The following ZSWIM9 variants were observed in gnomAD, a reference collection of about 807,000 sequenced individuals.
ZSWIM9 encodes the protein zinc finger SWIM-type containing 9.
ZSWIM9 carries 11 observed loss-of-function variants against 25.0 expected under a neutral mutation model. That is an observed-to-expected ratio of 0.44 (90% CI 0.28 to 0.73). The LOEUF (loss-of-function observed/expected upper bound fraction) is 0.73, where lower values mean the gene tolerates loss of function less well. Ranked by LOEUF, ZSWIM9 falls within the 30% of genes least tolerant of loss-of-function variation. ZSWIM9 has a pLI of 0.16. For missense variants in ZSWIM9, 1,070 were observed against 1,296.5 expected (o/e 0.83, Z 2.68); for synonymous variants, 562 against 582.1 (o/e 0.97, Z 0.50).
At chr19:48,191,881 A>G (rs887913253) in intron 3 of ZSWIM9, 1 of 154,668 alleles carries the variant, frequency 6.5e-6, no homozygotes, top group Non-Finnish European at 1.5e-5. Context: ...GAAGCCCTGG[A>G]CCCAAGCTGT....
At chr19:48,187,474 AT>A (rs1568579470) in intron 3 of ZSWIM9, among the ~76,000 whole-genome samples, 1 of 72,740 alleles carries the variant, frequency 1.4e-5, no homozygotes, top group Non-Finnish European at 2.4e-5. Flanking sequence ...TATATATTAT[AT>A]ATATTATATA....
intron 2 of ZSWIM9, among the ~76,000 whole-genome samples, chr19:48,178,679 C>T (rs982957475): frequency 2.6e-5 from 4 of 151,988 alleles, no homozygotes; most frequent in African/African-American, 9.7e-5. Context: ...TGGGTTCAAG[C>T]GATCTCCTGC....
intron 2 of ZSWIM9, among the ~76,000 whole-genome samples, chr19:48,179,981 C>G (rs192293031): frequency 2.2e-4 from 34 of 152,236 alleles, no homozygotes; most frequent in African/African-American, 7.9e-4. Flanking sequence ...CTAGAGACCA[C>G]CCATGCTCTT....
Position 48,173,786 on chromosome 19 carries a change from G to A in ZSWIM9, c.275+1709G>A, listed in dbSNP as rs1188520238. On this transcript the variant is annotated intron_variant, in intron 2 of 3. Transcript: ENST00000614654. ...CCAGTAGCTGGGATTACAGGCATGC[G>A]CCACCATGCCCAGCTAATTTTTGTA... Among the ~76,000 whole-genome samples, 4 of 151,826 alleles carry A rather than the reference G, an allele frequency of 2.6e-5. No homozygotes were observed. The South Asian group carries it at 6.3e-4, about 24-fold the overall frequency.
At chr19:48,174,329 G>A (rs1005973567) in intron 2 of ZSWIM9, among the ~76,000 whole-genome samples, 1 of 151,958 alleles carries the variant, frequency 6.6e-6, no homozygotes, top group African/African-American at 2.4e-5. Flanking sequence ...CACGATACCC[G>A]CCTCATGGGG....
At chr19:48,185,346 G>T (rs2036998198) in intron 3 of ZSWIM9, among the ~76,000 whole-genome samples, 1 of 152,056 alleles carries the variant, frequency 6.6e-6, no homozygotes, top group African/African-American at 2.4e-5. Flanking sequence ...TGTTGGTCAG[G>T]CTGGTCTTGA....
In ZSWIM9 at chr19:48,182,817, G is replaced by A. The variant is rs551393337; in HGVS notation, c.588+50G>A. 1.0e-3 allele frequency: 1,372 copies of A among 1,356,084 alleles called. 12 individuals are homozygous for A. The African/African-American group carries it at 0.018, about 17-fold the overall frequency. 84.0% of individuals were successfully genotyped at this position (1,356,084 alleles called of 1,614,324 possible). ...GGGGGAGGGGGCGGGGGAAAGCCGC[G>A]CTGAAGACTCGTGGGTCATTCATGC... is the stretch of plus-strand genomic sequence containing the variant. On this transcript the variant is annotated intron_variant, in intron 3 of 3. Transcript: ENST00000614654. The surrounding 1 kb of genome is among the most constrained non-coding windows in gnomAD (Gnocchi z 4.6).
At chr19:48,188,001 A>C (rs1182034057) in intron 3 of ZSWIM9, among the ~76,000 whole-genome samples, 3 of 145,746 alleles carry the variant, frequency 2.1e-5, no homozygotes, top group Admixed American at 6.8e-5. Context: ...GACAGACAGC[A>C]AGCTTTAAAT....
chr19:48,195,017 G>A lies in ZSWIM9; in HGVS notation c.953G>A (p.Arg318His). Residue 318 changes from arginine (R) to histidine (H), a missense_variant, in exon 4 of 4, where the codon CGC (arginine) becomes CAC (histidine). By Grantham distance (29) the Arg-to-His change is conservative. Coordinates refer to ENST00000614654, the MANE Select transcript of ZSWIM9 (RefSeq NM_199341.4). This position sits in a 1 kb window ranked among gnomAD's most constrained non-coding sequence, Gnocchi z 5.8. ...CCCTGCGCGCGCGTGCAGATCTGCC[G>A]CGCGCAGGGCCTGGAGACGCTCTTC... is the stretch of plus-strand genomic sequence containing the variant. ...LLPCARVQICRAQGLETLFSK... is the reference protein window; with the variant it reads ...LLPCARVQICHAQGLETLFSK... 4 of 1,366,248 alleles carry A rather than the reference G, an allele frequency of 2.9e-6. No individual in the cohort carries two copies. Among genetic ancestry groups the A allele is most frequent in the Non-Finnish European group, 3.7e-6 (4 of 1,067,564 alleles). 84.6% of individuals were successfully genotyped at this position (1,366,248 alleles called of 1,614,324 possible).
At chr19:48,174,104 C>A (rs1323716431) in intron 2 of ZSWIM9, among the ~76,000 whole-genome samples, 6 of 151,988 alleles carry the variant, frequency 3.9e-5, no homozygotes, top group African/African-American at 1.4e-4. Context: ...ATCCCTAGCA[C>A]TGTCTTTTGC....
At chr19:48,181,269 G>A (rs1452817420) in intron 2 of ZSWIM9, 2 of 152,074 alleles carry the variant, frequency 1.3e-5, no homozygotes, top group African/African-American at 4.8e-5. Context: ...CCCTCACAGG[G>A]TTAACCACTT....
At chr19:48,187,472 A>ATATAT (rs1227328824) in intron 3 of ZSWIM9, among the ~76,000 whole-genome samples, 11 of 83,410 alleles carry the variant, frequency 1.3e-4, no homozygotes, top group African/African-American at 6.1e-4. Context: ...TATATATATT[A>ATATAT]TATATATTAT....
rs1173330681 is a variant in ZSWIM9, at chr19:48,192,468, A to ATATATATAT, written c.589-2185_589-2184insTATATATAT. Among the ~76,000 whole-genome samples, 13 of 23,850 alleles carry ATATATATAT rather than the reference A, an allele frequency of 5.5e-4. 1 individual carries two copies. The highest frequency in any genetic ancestry group is 1.6e-3 in the East Asian group (1 of 626). The allele number at this position is 23,850 out of a possible 152,430, so 15.6% of individuals were successfully genotyped here. ...CTGTCTCAAAAAAAAAAAAAAAAAAAAAAAAAAAAAAAATATATATATATA... is the reference window on the plus strand; with the variant it reads ...CTGTCTCAAAAAAAAAAAAAAAAAAATATATATATAAAAAAAAAAAAATATATATATATA... On this transcript the variant is annotated intron_variant, in intron 3 of 3. Transcript: ENST00000614654.
In ZSWIM9 at chr19:48,174,253, G is replaced by C. The variant is rs143907945; in HGVS notation, c.275+2176G>C. Among the ~76,000 whole-genome samples, 84 of 152,110 alleles carry C rather than the reference G, an allele frequency of 5.5e-4. 1 individual carries two copies. Among genetic ancestry groups the C allele is most frequent in the South Asian group, 1.9e-3 (9 of 4,824 alleles). On this transcript the variant is annotated intron_variant, in intron 2 of 3. Coordinates refer to ENST00000614654, the MANE Select transcript of ZSWIM9 (RefSeq NM_199341.4). Reference sequence around the variant, plus strand: ...ACATGCTCCACGACTTCCTGGATGGGTGACTTTGGGCAATGGACTTCACAT... The same window carrying C: ...ACATGCTCCACGACTTCCTGGATGGCTGACTTTGGGCAATGGACTTCACAT...
At chr19:48,183,062 G>T in intron 3 of ZSWIM9, 1 of 417,686 alleles carries the variant, frequency 2.4e-6, no homozygotes, top group Admixed American at 4.1e-5. Flanking sequence ...TGGCTACTGA[G>T]CACTTGAAAT....
intron 3 of ZSWIM9, among the ~76,000 whole-genome samples, chr19:48,187,510 ATTATAT>A (rs1316146178): frequency 1.2e-5 from 1 of 81,038 alleles, no homozygotes; most frequent in South Asian, 2.7e-4. Flanking sequence ...ATTATATTAT[ATTATAT>A]ATATTATATA....
At position 48,187,415 on chromosome 19, in the gene ZSWIM9, AAT is replaced by A. The variant is rs2037027116; in HGVS notation, c.588+4649_588+4650del. 4.0e-5 allele frequency among the ~76,000 whole-genome samples: 3 copies of A among 75,546 alleles called. No homozygotes were observed. The Admixed American group carries it at 7.0e-4, about 18-fold the overall frequency. 49.6% of individuals were successfully genotyped at this position (75,546 alleles called of 152,430 possible). ...ATATATTATATTAATTATATATTAT[AAT>A]TATATATTATATTATATTATATATA... is the stretch of plus-strand genomic sequence containing the variant. On this transcript the variant is annotated intron_variant, in intron 3 of 3. Coordinates refer to ENST00000614654, the MANE Select transcript of ZSWIM9 (RefSeq NM_199341.4).
chr19:48,179,324 A>C (rs2036924214), intron 2 of ZSWIM9, among the ~76,000 whole-genome samples: 1 of 151,538 alleles, frequency 6.6e-6, no homozygotes, highest in Non-Finnish European at 1.5e-5. Context: ...ACAATGCCTG[A>C]CTACTTTTTT....
chr19:48,179,140 A>ATTT, intron 2 of ZSWIM9, among the ~76,000 whole-genome samples: 1 of 151,426 alleles, frequency 6.6e-6, no homozygotes, highest in Admixed American at 6.6e-5. Flanking sequence ...ATACACTCTG[A>ATTT]TTTTTTTTTC....
Sources: gnomAD v4.1 joint callset for allele counts (sites outside exome capture counted in the v4.1 genomes callset) on GRCh38, gnomAD v4.1.1 for gene constraint, Gnocchi (gnomAD v3.1) non-coding constraint, MANE v1.5 for transcripts, NCBI Gene and HGNC (gene_info 2026-07-23, HGNC 2026-07-21) for gene names.